Variants in FGF1 observed in about 807,000 individuals in gnomAD.
FGF1 encodes beta-endothelial cell growth factor.
A neutral mutation model predicts 13.4 loss-of-function variants in FGF1; 9 were observed. That is an observed-to-expected ratio of 0.67 (90% confidence interval 0.40 to 1.17). The LOEUF (loss-of-function observed/expected upper bound fraction) is 1.17, where lower values mean the gene tolerates loss of function less well. Ranked by LOEUF, FGF1 falls within the 50% of genes most tolerant of loss-of-function variation. FGF1 has a pLI of 0.01. For missense variants in FGF1, 156 were observed against 192.7 expected (o/e 0.81, Z 1.13); for synonymous variants, 93 against 79.0 (o/e 1.18, Z -0.94).
At chr5:142,642,321 A>G (rs1765329218) in intron 1 of FGF1, among the ~76,000 whole-genome samples, 1 of 152,228 alleles carries the variant, frequency 6.6e-6, no homozygotes, top group African/African-American at 2.4e-5. Context: ...CTTATGAAGT[A>G]CACTCAAGTT....
intron 2 of FGF1, among the ~76,000 whole-genome samples, chr5:142,693,535 A>G (rs1038851113): frequency 4.6e-5 from 7 of 152,152 alleles, no homozygotes; most frequent in African/African-American, 1.7e-4. Flanking sequence ...CTTTATTGAG[A>G]TATACTTCAC....
At chr5:142,608,544 A>C (rs1758246860) in intron 2 of FGF1, among the ~76,000 whole-genome samples, 2 of 24,030 alleles carry the variant, frequency 8.3e-5, no homozygotes, top group South Asian at 1.5e-3. Flanking sequence ...ATACACATCT[A>C]TATATATATA....
intron 1 of FGF1, among the ~76,000 whole-genome samples, chr5:142,652,968 C>G (rs554699955): frequency 6.6e-6 from 1 of 152,190 alleles, no homozygotes; most frequent in Non-Finnish European, 1.5e-5. Context: ...TTATAGACAG[C>G]CTTCTCTTGG....
intron 1 of FGF1, chr5:142,679,868 C>T (rs1773387813): frequency 6.6e-6 from 1 of 152,210 alleles, no homozygotes; most frequent in Admixed American, 6.5e-5. Flanking sequence ...GTTGCCATAA[C>T]AAGCACCATA....
intron 2 of FGF1, among the ~76,000 whole-genome samples, chr5:142,694,852 G>A (rs1752854322): frequency 6.8e-6 from 1 of 147,258 alleles, no homozygotes; most frequent in Non-Finnish European, 1.5e-5. Context: ...CTGGGGCAGG[G>A]GAGTGACCCC....
intron 1 of FGF1, among the ~76,000 whole-genome samples, chr5:142,651,845 G>A (rs998818957): frequency 1.9e-5 from 1 of 53,640 alleles, no homozygotes; most frequent in Non-Finnish European, 4.1e-5. Context: ...TTTTTTTTTT[G>A]TGCTGAATAA....
intron 1 of FGF1, among the ~76,000 whole-genome samples, chr5:142,674,889 G>A (rs1772215598): frequency 6.6e-6 from 1 of 152,140 alleles, no homozygotes; most frequent in Admixed American, 6.5e-5. Context: ...AGGCCTGGAG[G>A]GAACGAGAAG....
chr5:142,644,658 A>G (rs1384118060), intron 1 of FGF1, among the ~76,000 whole-genome samples: 1 of 152,142 alleles, frequency 6.6e-6, no homozygotes, highest in Non-Finnish European at 1.5e-5. Flanking sequence ...AAACTCCCTG[A>G]GCATGCATGT....
intron 1 of FGF1, among the ~76,000 whole-genome samples, chr5:142,655,469 T>C (rs1391039150): frequency 2.0e-5 from 3 of 152,188 alleles, no homozygotes; most frequent in African/African-American, 4.8e-5. Flanking sequence ...ATCTCAGCCA[T>C]ACTTTGCTCA....
rs555213971 is a variant in FGF1 at position 142,676,935 on chromosome 5, A to C, written c.-35+9022T>G. ...CAAAAAACAAAACAACAACAACAAC[A>C]ACAACAAATCAAGGCTCAAGGAGGA... On this transcript the variant is annotated intron_variant, in intron 1 of 3. Transcript: ENST00000337706. Among the ~76,000 whole-genome samples the C allele has an allele frequency of 7.9e-5, 12 of 152,220 alleles. No homozygotes were observed. In the South Asian group the frequency reaches 2.5e-3, roughly 32 times the overall value.
chr5:142,598,184 C>A (rs1755704621), intron 3 of FGF1, among the ~76,000 whole-genome samples: 1 of 152,140 alleles, frequency 6.6e-6, no homozygotes, highest in Non-Finnish European at 1.5e-5. Flanking sequence ...GGACTCATGC[C>A]TGACACCTCA....
intron 1 of FGF1, among the ~76,000 whole-genome samples, chr5:142,646,184 C>T (rs1419783291): frequency 6.9e-6 from 1 of 144,806 alleles, no homozygotes; most frequent in Non-Finnish European, 1.5e-5. Flanking sequence ...GCTGGGATTA[C>T]AGGCGTGAGC....
rs1447937814 is a variant in FGF1, at chr5:142,592,203, A to G, written c.*3087T>C. On this transcript the variant is annotated 3_prime_UTR_variant, in exon 4 of 4. Transcript: ENST00000337706. ...TCACCTATTATTGGAACATTTATTA[A>G]TATTTGTAAGGTGCAGACTATGATA... 1 of 396,742 alleles carries G rather than the reference A, an allele frequency of 2.5e-6. No individual in the cohort carries two copies. The highest frequency in any genetic ancestry group is 4.4e-6 in the Non-Finnish European group (1 of 225,378). The allele number at this position is 396,742 out of a possible 1,614,324, so 24.6% of individuals were successfully genotyped here. A position where few individuals can be genotyped will look rare whatever the true frequency, so the allele number is the denominator to read the frequency against.
chr5:142,602,131 G>A (rs1427143212), intron 2 of FGF1, among the ~76,000 whole-genome samples: 2 of 152,002 alleles, frequency 1.3e-5, no homozygotes, highest in Non-Finnish European at 2.9e-5. Context: ...CAGAGCTTTG[G>A]TTGGTAGATC....
At chr5:142,630,042 C>G (rs1022454210) in intron 1 of FGF1, among the ~76,000 whole-genome samples, 7 of 151,704 alleles carry the variant, frequency 4.6e-5, no homozygotes, top group African/African-American at 1.7e-4. Context: ...TACAGGCGTC[C>G]GCCACCACTC....
intron 2 of FGF1, among the ~76,000 whole-genome samples, chr5:142,604,998 A>C (rs897563380): frequency 1.3e-5 from 2 of 152,138 alleles, no homozygotes; most frequent in Non-Finnish European, 2.9e-5. Flanking sequence ...ACTCTTTTCA[A>C]CCTATCGCCC....
intron 1 of FGF1, among the ~76,000 whole-genome samples, chr5:142,620,022 C>T (rs1225210080): frequency 6.6e-6 from 1 of 150,960 alleles, no homozygotes; most frequent in African/African-American, 2.4e-5. Context: ...TTTTTAACTC[C>T]ATCTGCACTC....
chr5:142,684,142 C>T (rs377515302), intron 1 of FGF1, among the ~76,000 whole-genome samples: 1 of 152,316 alleles, frequency 6.6e-6, no homozygotes, highest in African/African-American at 2.4e-5. Context: ...ACAGCAGTCC[C>T]AAGATCCTAA....
intron 1 of FGF1, among the ~76,000 whole-genome samples, chr5:142,678,522 G>T (rs183933036): frequency 1.7e-4 from 26 of 152,084 alleles, no homozygotes; most frequent in African/African-American, 5.5e-4. Context: ...AGGCAAATTG[G>T]GCTTCGGGTA....
Sources: allele counts gnomAD v4.1 joint callset (sites outside exome capture counted in the v4.1 genomes callset), GRCh38; gene constraint gnomAD v4.1.1; transcripts MANE v1.5; gene names NCBI Gene and HGNC (gene_info 2026-07-23, HGNC 2026-07-21).